Variants in CHCHD6 observed in about 807,000 individuals in gnomAD.
CHCHD6 encodes MICOS complex subunit MIC25.
Under a neutral mutation model 32.3 loss-of-function variants are expected in CHCHD6, and 28 were observed. The ratio of observed to expected loss-of-function variants is 0.87; its 90% CI spans 0.64 to 1.19. The LOEUF is 1.19. Ranked by LOEUF, CHCHD6 falls within the 50% of genes most tolerant of loss-of-function variation. CHCHD6 has a pLI of 0.00. For missense variants in CHCHD6, 333 were observed against 307.0 expected (o/e 1.08, Z -0.63); for synonymous variants, 122 against 117.5 (o/e 1.04, Z -0.25).
At chr3:126,722,404 C>T (rs765189705) in intron 1 of CHCHD6, among the ~76,000 whole-genome samples, 4 of 152,212 alleles carry the variant, frequency 2.6e-5, no homozygotes, top group Non-Finnish European at 5.9e-5. Context: ...CTCAAGTGAT[C>T]CTTTTGCCTC....
intron 4 of CHCHD6, among the ~76,000 whole-genome samples, chr3:126,828,134 C>T (rs1940481666): frequency 6.6e-6 from 1 of 152,206 alleles, no homozygotes; most frequent in African/African-American, 2.4e-5. Context: ...CCCAAGCTTA[C>T]ATCCTCAGCC....
intron 3 of CHCHD6, 73 bp from the exon 4 acceptor site, chr3:126,733,005 C>A: frequency 1.3e-6 from 2 of 1,539,894 alleles, no homozygotes; most frequent in Non-Finnish European, 8.9e-7. Flanking sequence ...AGTGAGTGCG[C>A]AGATCTTGTC....
chr3:126,775,795 G>A lies in CHCHD6; in HGVS notation c.411+42573G>A, dbSNP rs1436792698. ...TCTGCGGGTTTTGGAAAAACTGCAG[G>A]CTCAAATCAGCGGCTGCTCCAGGGC... On this transcript the variant is annotated intron_variant, in intron 4 of 7. Coordinates refer to ENST00000290913, the MANE Select transcript of CHCHD6 (RefSeq NM_032343.3). Among the ~76,000 whole-genome samples, 13 of 152,340 alleles carry A rather than the reference G, an allele frequency of 8.5e-5. No individual in the cohort carries two copies. The East Asian group carries it at 2.3e-3, about 27-fold the overall frequency.
chr3:126,850,181 A>G (rs564077056), intron 4 of CHCHD6, among the ~76,000 whole-genome samples: 1 of 152,386 alleles, frequency 6.6e-6, no homozygotes, highest in East Asian at 1.9e-4. Flanking sequence ...CAGATGAATT[A>G]GAGACGGTGA....
chr3:126,836,376 C>A (rs556799421), intron 4 of CHCHD6, among the ~76,000 whole-genome samples: 1 of 152,324 alleles, frequency 6.6e-6, no homozygotes, highest in African/African-American at 2.4e-5. Context: ...CAGCTCTCAG[C>A]TCAAATGTCA....
At chr3:126,722,049 T>A (rs1434732188) in intron 1 of CHCHD6, among the ~76,000 whole-genome samples, 1 of 152,252 alleles carries the variant, frequency 6.6e-6, no homozygotes, top group Non-Finnish European at 1.5e-5. Context: ...AATGCTGATG[T>A]GAACACATGT....
intron 5 of CHCHD6, among the ~76,000 whole-genome samples, chr3:126,899,090 GA>G (rs1469613354): frequency 1.3e-5 from 2 of 152,226 alleles, no homozygotes; most frequent in African/African-American, 4.8e-5. Flanking sequence ...ATGTCTAAAA[GA>G]GTAGACTGCG....
At chr3:126,780,660 G>A (rs1323266736) in intron 4 of CHCHD6, among the ~76,000 whole-genome samples, 1 of 152,126 alleles carries the variant, frequency 6.6e-6, no homozygotes, top group Non-Finnish European at 1.5e-5. Context: ...AAGATCCTTG[G>A]TCATCCTACC....
intron 5 of CHCHD6, among the ~76,000 whole-genome samples, chr3:126,876,807 G>A (rs1163190209): frequency 6.6e-6 from 1 of 152,146 alleles, no homozygotes; most frequent in Non-Finnish European, 1.5e-5. Flanking sequence ...TTTCAAATGT[G>A]TAAATGATTG....
chr3:126,816,038 C>T (rs890800537), intron 4 of CHCHD6, among the ~76,000 whole-genome samples: 5 of 152,248 alleles, frequency 3.3e-5, no homozygotes, highest in Admixed American at 2.6e-4. Flanking sequence ...TCATTTTCTT[C>T]TCTGTTCTGA....
At chr3:126,808,872 G>A (rs1409638928) in intron 4 of CHCHD6, among the ~76,000 whole-genome samples, 2 of 152,132 alleles carry the variant, frequency 1.3e-5, no homozygotes, top group African/African-American at 2.4e-5. Flanking sequence ...TAAGGCTTTG[G>A]CTAATTTTCT....
At position 126,808,630 on chromosome 3, in the gene CHCHD6, A is replaced by G. The variant is rs115753973; in HGVS notation, c.412-44017A>G. Among the ~76,000 whole-genome samples, 442 of 152,286 alleles carry G rather than the reference A, an allele frequency of 2.9e-3. 2 individuals carry two copies. The highest frequency in any genetic ancestry group is 0.01 in the African/African-American group (422 of 41,554). ...GGGTCCTGGGAATTTAACCATGTCA[A>G]TGTAGTCTTTTTGGCATTATTAACT... On this transcript the variant is annotated intron_variant, in intron 4 of 7. Coordinates refer to ENST00000290913, the MANE Select transcript of CHCHD6 (RefSeq NM_032343.3).
chr3:126,893,955 C>T (rs1397792884), intron 5 of CHCHD6, among the ~76,000 whole-genome samples: 4 of 152,228 alleles, frequency 2.6e-5, no homozygotes, highest in African/African-American at 9.6e-5. Context: ...GATGGCCCTG[C>T]CCTTGGCGGG....
At chr3:126,919,287 AT>A (rs995643933) in intron 6 of CHCHD6, among the ~76,000 whole-genome samples, 4 of 136,460 alleles carry the variant, frequency 2.9e-5, no homozygotes, top group East Asian at 2.1e-4. Context: ...TTTCCTTCTA[AT>A]TTTTTTTCTA....
intron 4 of CHCHD6, among the ~76,000 whole-genome samples, chr3:126,743,358 G>A (rs963365121): frequency 5.3e-5 from 8 of 152,140 alleles, no homozygotes; most frequent in African/African-American, 1.7e-4. Flanking sequence ...ACAGGTCTGC[G>A]GATGCCTTCA....
chr3:126,896,800 G>GTGCT (rs1296284626), intron 5 of CHCHD6, among the ~76,000 whole-genome samples: 1 of 152,210 alleles, frequency 6.6e-6, no homozygotes, highest in Non-Finnish European at 1.5e-5. Flanking sequence ...GGACTCGTGG[G>GTGCT]TGCTGCTCCA....
chr3:126,810,433 C>T (rs963321816), intron 4 of CHCHD6, among the ~76,000 whole-genome samples: 1 of 152,156 alleles, frequency 6.6e-6, no homozygotes, highest in South Asian at 2.1e-4. Context: ...TAGGTTGTCT[C>T]CCAGGAAATG....
At chr3:126,864,970 TCCATCATCACCA>T (rs138773610) in intron 5 of CHCHD6, among the ~76,000 whole-genome samples, 2 of 124,476 alleles carry the variant, frequency 1.6e-5, no homozygotes, top group Non-Finnish European at 1.6e-5. Flanking sequence ...CATCACCACC[TCCATCATCACCA>T]CTACCACCAT....
chr3:126,926,814 C>T (rs2078330962), intron 6 of CHCHD6, among the ~76,000 whole-genome samples: 1 of 152,046 alleles, frequency 6.6e-6, no homozygotes, highest in Non-Finnish European at 1.5e-5. Flanking sequence ...TTTGGGAGAA[C>T]CAAGCAGTAA....
Sources: gnomAD v4.1 joint callset for allele counts (sites outside exome capture counted in the v4.1 genomes callset) on GRCh38, gnomAD v4.1.1 for gene constraint, MANE v1.5 for transcripts, NCBI Gene and HGNC (gene_info 2026-07-23, HGNC 2026-07-21) for gene names.